Variants in COBL observed in about 807,000 individuals in gnomAD.
COBL encodes the protein cordon-bleu WH2 repeat protein, also known as protein cordon-bleu.
In COBL, 51 loss-of-function variants were observed where a neutral mutation model predicts 98.8. That is an observed-to-expected ratio of 0.52 (90% CI 0.41 to 0.65). COBL has a LOEUF of 0.65. Ranked by LOEUF, COBL falls within the 30% of genes least tolerant of loss-of-function variation. The pLI is 0.00. For missense variants in COBL, 1,617 were observed against 1,617.5 expected (o/e 1.00, Z 0.01); for synonymous variants, 634 against 651.7 (o/e 0.97, Z 0.41).
intron 5 of COBL, among the ~76,000 whole-genome samples, chr7:51,154,224 G>A (rs1785863673): frequency 6.6e-6 from 1 of 152,184 alleles, no homozygotes. Context: ...TCCACACATA[G>A]AAGGAAGCCA....
chr7:51,243,455 C>T (rs1795992282), intron 1 of COBL, among the ~76,000 whole-genome samples: 1 of 152,172 alleles, frequency 6.6e-6, no homozygotes, highest in Non-Finnish European at 1.5e-5. Context: ...AAATTATATA[C>T]TCACCACACA....
chr7:51,251,315 G>A (rs1796713172), intron 1 of COBL, among the ~76,000 whole-genome samples: 1 of 152,176 alleles, frequency 6.6e-6, no homozygotes, highest in Admixed American at 6.5e-5. Context: ...CACGATATTA[G>A]CTCATAATAT....
At chr7:51,131,851 C>T (rs978254710) in intron 6 of COBL, among the ~76,000 whole-genome samples, 4 of 152,192 alleles carry the variant, frequency 2.6e-5, no homozygotes, top group African/African-American at 7.2e-5. Flanking sequence ...CTTGGCCTCC[C>T]AAAGTGCTGG....
At position 51,140,205 on chromosome 7, in the gene COBL, G is replaced by A. The variant is rs77699845; in HGVS notation, c.784-3874C>T. 9.8e-3 allele frequency among the ~76,000 whole-genome samples: 1,486 copies of A among 152,070 alleles called. 16 individuals carry two copies. Among genetic ancestry groups the A allele is most frequent in the South Asian group, 0.037 (177 of 4,774 alleles). ...GAACCTTCTATCTCAGGCTTCATGG[G>A]ACTTAGGTTGGTGGGATTTAAACTT... is the stretch of plus-strand genomic sequence containing the variant. On this transcript the variant is annotated intron_variant, in intron 5 of 12. Transcript: ENST00000265136.
chr7:51,176,908 T>C (rs1042431215), intron 5 of COBL, among the ~76,000 whole-genome samples: 1 of 152,210 alleles, frequency 6.6e-6, no homozygotes, highest in Non-Finnish European at 1.5e-5. Flanking sequence ...ATTTAGTAAA[T>C]AAGCCCAAAT....
At chr7:51,142,576 GT>G (rs1198267771) in intron 5 of COBL, among the ~76,000 whole-genome samples, 1 of 151,948 alleles carries the variant, frequency 6.6e-6, no homozygotes, top group East Asian at 1.9e-4. Flanking sequence ...TAGAGACAGG[GT>G]TTTGCCATCT....
chr7:51,219,982 A>C (rs778920700), intron 1 of COBL, 38 bp from the exon 2 acceptor site: 2 of 1,579,954 alleles, frequency 1.3e-6, no homozygotes, highest in Non-Finnish European at 1.7e-6. Context: ...AGTCAGTGGC[A>C]ATGTTCCTAC....
chr7:51,058,259 T>A (rs940624655), intron 7 of COBL, among the ~76,000 whole-genome samples: 8 of 152,146 alleles, frequency 5.3e-5, no homozygotes, highest in Admixed American at 1.3e-4. Context: ...TGTGTCAATT[T>A]AAACAATTAT....
intron 1 of COBL, among the ~76,000 whole-genome samples, chr7:51,283,734 C>T (rs1442491464): frequency 6.6e-6 from 1 of 152,140 alleles, no homozygotes; most frequent in Non-Finnish European, 1.5e-5. Flanking sequence ...ATCCGCCTGC[C>T]TCGGCCTCCC....
chr7:51,183,997 TA>T (rs1789245067), intron 5 of COBL, 104 bp downstream of exon 5: 1 of 551,024 alleles, frequency 1.8e-6, no homozygotes, highest in Admixed American at 3.9e-5. Context: ...TTAGTATTCT[TA>T]AATAGAATTG....
rs147685560 is a variant in COBL, at chr7:51,176,212, G to A, written c.783+7890C>T. Among the ~76,000 whole-genome samples the A allele has an allele frequency of 3.5e-4, 54 of 152,246 alleles. No homozygotes were observed. In the East Asian group the frequency reaches 9.7e-3, roughly 27 times the overall value. On this transcript the variant is annotated intron_variant, in intron 5 of 12. Transcript: ENST00000265136. ...GTTAAATCATAACCTTGGTTAAGTCGTGTTAGTTTTGGTGAGTCACTTGGA... is the reference window on the plus strand; with the variant it reads ...GTTAAATCATAACCTTGGTTAAGTCATGTTAGTTTTGGTGAGTCACTTGGA...
At chr7:51,303,138 A>G (rs938796463) in intron 1 of COBL, among the ~76,000 whole-genome samples, 8 of 152,260 alleles carry the variant, frequency 5.3e-5, no homozygotes, top group African/African-American at 1.9e-4. Context: ...TTAACACAAT[A>G]GATCATACTT....
At chr7:51,278,356 A>G (rs1256140175) in intron 1 of COBL, among the ~76,000 whole-genome samples, 1 of 148,662 alleles carries the variant, frequency 6.7e-6, no homozygotes, top group African/African-American at 2.5e-5. Flanking sequence ...TGGGGAGACA[A>G]GCATGCTATA....
At chr7:51,103,279 T>C (rs1483732650) in intron 6 of COBL, among the ~76,000 whole-genome samples, 1 of 152,240 alleles carries the variant, frequency 6.6e-6, no homozygotes, top group African/African-American at 2.4e-5. Context: ...TTAATGCTTA[T>C]TATTTATGTG....
chr7:51,192,920 G>A (rs975790847), intron 3 of COBL, among the ~76,000 whole-genome samples: 1 of 152,060 alleles, frequency 6.6e-6, no homozygotes, highest in Non-Finnish European at 1.5e-5. Flanking sequence ...TAAAAATTCA[G>A]TTTCTCAATC....
At chr7:51,219,704 T>C in intron 2 of COBL, 37 bp downstream of exon 2, 1 of 1,589,714 alleles carries the variant, frequency 6.3e-7, no homozygotes, top group Non-Finnish European at 8.6e-7. Flanking sequence ...ACTCGCAAAG[T>C]GAGTACAGCG....
At chr7:51,023,748 T>G (rs987060413) in intron 12 of COBL, among the ~76,000 whole-genome samples, 1 of 152,186 alleles carries the variant, frequency 6.6e-6, no homozygotes, top group Non-Finnish European at 1.5e-5. Flanking sequence ...CCCTTCTCCA[T>G]TGTGCCAGCA....
chr7:51,105,507 G>A (rs1796176698), intron 6 of COBL, among the ~76,000 whole-genome samples: 4 of 152,210 alleles, frequency 2.6e-5, no homozygotes. Context: ...CCAGCACTTT[G>A]GGAGGCTGAG....
intron 3 of COBL, among the ~76,000 whole-genome samples, 176 bp downstream of exon 3, chr7:51,193,203 G>A (rs552695068): frequency 2.6e-5 from 4 of 152,162 alleles, no homozygotes; most frequent in African/African-American, 4.8e-5. Context: ...ATTCAATTGT[G>A]TACATTTTGT....
Sources: gnomAD v4.1 joint callset for allele counts (sites outside exome capture counted in the v4.1 genomes callset) on GRCh38, gnomAD v4.1.1 for gene constraint, MANE v1.5 for transcripts, NCBI Gene and HGNC (gene_info 2026-07-23, HGNC 2026-07-21) for gene names.